The following HDLBP variants were observed in gnomAD, a reference collection of about 807,000 sequenced individuals.
HDLBP encodes the protein vigilin.
HDLBP carries 30 observed loss-of-function variants against 137.3 expected under a neutral mutation model. The observed-to-expected ratio is 0.22, with a 90% confidence interval of 0.16 to 0.30. The LOEUF (loss-of-function observed/expected upper bound fraction) is 0.30. Ranked by LOEUF, HDLBP falls within the 10% of genes least tolerant of loss-of-function variation. The probability of loss-of-function intolerance (pLI) is 1.00; values close to 1 mark genes in which losing one functional copy is unlikely to be tolerated. For synonymous variants in HDLBP, 606 were observed against 596.0 expected (o/e 1.02, Z -0.24); for missense variants, 1,119 against 1,667.3 (o/e 0.67, Z 5.73).
chr2:241,301,177 C>CG (rs1370225926), intron 1 of HDLBP, among the ~76,000 whole-genome samples: 1 of 148,486 alleles, frequency 6.7e-6, no homozygotes, highest in African/African-American at 2.5e-5. Flanking sequence ...TTAGTAGAGA[C>CG]GGGGCTTCAT....
chr2:241,242,441 G>A lies in HDLBP; in HGVS notation c.2169+19C>T, dbSNP rs770661613. 36 of 1,603,396 alleles carry A rather than the reference G, an allele frequency of 2.2e-5. No individual in the cohort carries two copies. Among genetic ancestry groups the A allele is most frequent in the Middle Eastern group, 1.8e-4 (1 of 5,608 alleles). ...GACCAGGCTTCCTGCCAAGAGTCACGCTCCCTCCCCATGCTCACCTTCTCC... is the reference window on the plus strand; with the variant it reads ...GACCAGGCTTCCTGCCAAGAGTCACACTCCCTCCCCATGCTCACCTTCTCC... On this transcript the variant is annotated intron_variant, in intron 17 of 27. Coordinates refer to ENST00000310931, the MANE Select transcript of HDLBP (RefSeq NM_005336.6).
chr2:241,265,054 C>T (rs960000003), intron 3 of HDLBP, among the ~76,000 whole-genome samples: 9 of 152,198 alleles, frequency 5.9e-5, no homozygotes, highest in Non-Finnish European at 2.9e-5. Flanking sequence ...ATGGTCCTAC[C>T]CAGCACCACC....
chr2:241,239,507 T>A lies in HDLBP; in HGVS notation c.2610+95A>T. On this transcript the variant is annotated intron_variant, in intron 19 of 27. Coordinates refer to ENST00000310931, the MANE Select transcript of HDLBP (RefSeq NM_005336.6). The surrounding 1 kb of genome is among the most constrained non-coding windows in gnomAD (Gnocchi z 4.6). ...AGCCTTCCAGGGCTGTATGAGGGAGTCACCTCCCTACAGGGTGGAGCGAAC... is the reference window on the plus strand; with the variant it reads ...AGCCTTCCAGGGCTGTATGAGGGAGACACCTCCCTACAGGGTGGAGCGAAC... The A allele has an allele frequency of 1.0e-6, 1 of 981,696 alleles. No homozygotes were observed. Among genetic ancestry groups the A allele is most frequent in the South Asian group, 1.5e-5 (1 of 68,850 alleles). 60.8% of individuals were successfully genotyped at this position (981,696 alleles called of 1,614,324 possible). A position where few individuals can be genotyped will look rare whatever the true frequency, so the allele number is the denominator to read the frequency against.
chr2:241,248,720 C>T (rs2071875860), intron 12 of HDLBP, among the ~76,000 whole-genome samples: 1 of 152,124 alleles, frequency 6.6e-6, no homozygotes, highest in Admixed American at 6.5e-5. Flanking sequence ...CCCAGCTCTT[C>T]TACTTGGAGG....
Position 241,240,392 on chromosome 2 carries a change from A to G in HDLBP, c.2170-270T>C, listed in dbSNP as rs2071084813. Among the ~76,000 whole-genome samples the G allele has an allele frequency of 6.6e-6, 1 of 152,166 alleles. No homozygotes were observed. The highest frequency in any genetic ancestry group is 1.9e-4 in the East Asian group (1 of 5,198). On this transcript the variant is annotated intron_variant, in intron 17 of 27. Transcript: ENST00000310931. The surrounding 1 kb of genome is among the most constrained non-coding windows in gnomAD (Gnocchi z 5.5). Reference sequence around the variant, plus strand: ...TAGAACCCTGGTCCTGCCACTTACAAGCACTGACCAAACTTCTCCAAGCCA... The same window carrying G: ...TAGAACCCTGGTCCTGCCACTTACAGGCACTGACCAAACTTCTCCAAGCCA...
In HDLBP at chr2:241,253,411, T is replaced by G. The variant is rs776269894; in HGVS notation, c.1275A>C (p.Glu425Asp). 2 of 1,610,250 alleles carry G rather than the reference T, an allele frequency of 1.2e-6. No homozygotes were observed. The highest frequency in any genetic ancestry group is 2.2e-5 in the East Asian group (1 of 44,866). Residue 425 changes from glutamate (E) to aspartate (D), a missense_variant, in exon 10 of 28, where the codon GAA becomes GAC. This residue lies in a region of HDLBP where 425 missense variants were observed against 693.9 expected (regional missense o/e 0.61). Transcript: ENST00000310931. ...EDVNVAQEQIEGMVKDLINRM... is the reference protein window; with the variant it reads ...EDVNVAQEQIDGMVKDLINRM... ...ACCTTACCAAATCTTTGACCATGCCTTCTATCTGTTCCTGGGCCACATTGA... is the reference window on the plus strand; with the variant it reads ...ACCTTACCAAATCTTTGACCATGCCGTCTATCTGTTCCTGGGCCACATTGA...
chr2:241,294,430 T>C (rs2075108721), intron 1 of HDLBP, among the ~76,000 whole-genome samples: 1 of 152,224 alleles, frequency 6.6e-6, no homozygotes, highest in Non-Finnish European at 1.5e-5. Context: ...CATTATAGAC[T>C]ATTCTACAGA....
chr2:241,257,997 T>C (rs1392515559), intron 5 of HDLBP, among the ~76,000 whole-genome samples: 3 of 152,206 alleles, frequency 2.0e-5, no homozygotes, highest in Non-Finnish European at 4.4e-5. Flanking sequence ...GGCACGCCTG[T>C]AATCCCAGCA....
intron 1 of HDLBP, among the ~76,000 whole-genome samples, chr2:241,314,097 G>C (rs2075881576): frequency 6.6e-6 from 1 of 152,180 alleles, no homozygotes; most frequent in African/African-American, 2.4e-5. Context: ...AACTTGATAG[G>C]TTGATGTTTC....
intron 1 of HDLBP, among the ~76,000 whole-genome samples, chr2:241,303,261 G>A (rs2075453036): frequency 6.6e-6 from 1 of 152,182 alleles, no homozygotes; most frequent in Non-Finnish European, 1.5e-5. Flanking sequence ...GCTGGTGCAG[G>A]GTGCCACTCC....
In HDLBP at chr2:241,229,512, G is replaced by A. The variant is rs749400516; in HGVS notation, c.*89C>T. 6 of 937,118 alleles carry A rather than the reference G, an allele frequency of 6.4e-6. No individual in the cohort carries two copies. The highest frequency in any genetic ancestry group is 1.5e-5 in the South Asian group (1 of 65,706). 58.1% of individuals were successfully genotyped at this position (937,118 alleles called of 1,614,324 possible). A position where few individuals can be genotyped will look rare whatever the true frequency, so the allele number is the denominator to read the frequency against. On this transcript the variant is annotated 3_prime_UTR_variant, in exon 28 of 28. Transcript: ENST00000310931. ...GGGAAGAGCGTCAACAATTTACGGA[G>A]GGTCCAGCCGCTGGGTCAGATTGAG...
intron 1 of HDLBP, among the ~76,000 whole-genome samples, chr2:241,303,148 A>C (rs921513050): frequency 2.6e-5 from 4 of 152,218 alleles, no homozygotes; most frequent in Admixed American, 2.6e-4. Flanking sequence ...CTCCAGAAAG[A>C]AACAAGCAGC....
At chr2:241,245,949 C>T (rs980569546) in intron 16 of HDLBP, among the ~76,000 whole-genome samples, 2 of 152,142 alleles carry the variant, frequency 1.3e-5, no homozygotes, top group Non-Finnish European at 2.9e-5. Flanking sequence ...AAGGATAATG[C>T]AGGACTATTC....
In HDLBP at chr2:241,272,515, G is replaced by T; in HGVS notation, c.-102-3974C>A. Reference sequence around the variant, plus strand: ...AGAAAGTTTGTGCGCGCCCCTCCGCGCCACGGCCACGCGCAGAAGAGACTC... The same window carrying T: ...AGAAAGTTTGTGCGCGCCCCTCCGCTCCACGGCCACGCGCAGAAGAGACTC... On this transcript the variant is annotated intron_variant, in intron 1 of 27. Coordinates refer to ENST00000310931, the MANE Select transcript of HDLBP (RefSeq NM_005336.6). This position sits in a 1 kb window ranked among gnomAD's most constrained non-coding sequence, Gnocchi z 5.6. The T allele has an allele frequency of 1.0e-6, 1 of 984,596 alleles. No individual in the cohort carries two copies. Among genetic ancestry groups the T allele is most frequent in the Non-Finnish European group, 1.2e-6 (1 of 829,688 alleles). The allele number at this position is 984,596 out of a possible 1,614,324, so 61.0% of individuals were successfully genotyped here.
At chr2:241,257,295 C>T (rs1388218901) in intron 5 of HDLBP, among the ~76,000 whole-genome samples, 5 of 152,194 alleles carry the variant, frequency 3.3e-5, no homozygotes, top group Admixed American at 3.3e-4. Flanking sequence ...TGCAGTGGTG[C>T]CATCTTGGCT....
Position 241,229,390 on chromosome 2 carries a change from T to TA in HDLBP, c.*210dup, listed in dbSNP as rs990601052. On this transcript the variant is annotated 3_prime_UTR_variant, in exon 28 of 28. Transcript: ENST00000310931. ...AATGCTCATGACCTTGGTTTAGTGT[T>TA]AAACAGTGGAGCAGGTCCTGAGCGG... 2.0e-4 allele frequency: 103 copies of TA among 512,818 alleles called. No homozygotes were observed. The highest frequency in any genetic ancestry group is 7.9e-4 in the Admixed American group (24 of 30,424). The allele number at this position is 512,818 out of a possible 1,614,324, so 31.8% of individuals were successfully genotyped here.
chr2:241,298,045 C>CAAAAAAAAAAA (rs71049568), intron 1 of HDLBP, among the ~76,000 whole-genome samples: 1 of 23,360 alleles, frequency 4.3e-5, no homozygotes. Context: ...GACCCTGTCT[C>CAAAAAAAAAAA]AAAAAAAAAA....
chr2:241,242,785 A>G (rs1200658295), intron 16 of HDLBP, 107 bp from the exon 17 acceptor site: 1 of 981,930 alleles, frequency 1.0e-6, no homozygotes, highest in Non-Finnish European at 1.6e-6. Context: ...GCAGGCCTAG[A>G]GCCCTGGAGA....
chr2:241,267,666 C>A, intron 2 of HDLBP: 1 of 1,535,700 alleles, frequency 6.5e-7, no homozygotes, highest in Non-Finnish European at 8.7e-7. Context: ...CCAAACTAAA[C>A]CACCTCCAAA....
Sources: gnomAD v4.1 joint callset for allele counts (sites outside exome capture counted in the v4.1 genomes callset) on GRCh38, gnomAD v4.1.1 for gene constraint, gnomAD v4.1.1 regional missense constraint, Gnocchi (gnomAD v3.1) non-coding constraint, MANE v1.5 for transcripts, NCBI Gene and HGNC (gene_info 2026-07-23, HGNC 2026-07-21) for gene names.